Variants in PTPRD observed in about 807,000 individuals in gnomAD.
PTPRD encodes protein tyrosine phosphatase receptor type D, also known as receptor-type tyrosine-protein phosphatase delta.
PTPRD carries 34 observed loss-of-function variants against 214.5 expected under a neutral mutation model. That is an observed-to-expected ratio of 0.16 (90% CI 0.12 to 0.21). PTPRD has a LOEUF of 0.21. Among genes scored for constraint, PTPRD ranks in the 10% least tolerant of loss-of-function variants. PTPRD has a pLI of 1.00. For synonymous variants in PTPRD, 1,128 were observed against 845.7 expected, an observed-to-expected ratio of 1.33 and a Z score of -5.79; for missense variants, 2,545 against 2,398.7, an observed-to-expected ratio of 1.06 and a Z score of -1.27.
At chr9:8,932,892 C>A (rs151020332) in intron 11 of PTPRD, among the ~76,000 whole-genome samples, 56 of 152,220 alleles carry the variant, frequency 3.7e-4, no homozygotes, top group African/African-American at 1.3e-3. Context: ...TTCTGTCTTG[C>A]TGGTGTTCCA....
intron 2 of PTPRD, among the ~76,000 whole-genome samples, chr9:10,410,557 T>TAA (rs2098423811): frequency 6.6e-6 from 1 of 151,444 alleles, no homozygotes; most frequent in African/African-American, 2.4e-5. Context: ...ACACACATAA[T>TAA]AAAAATTATA....
chr9:9,056,770 T>G, intron 10 of PTPRD, among the ~76,000 whole-genome samples: 1 of 152,256 alleles, frequency 6.6e-6, no homozygotes, highest in East Asian at 1.9e-4. Flanking sequence ...GCTGCATTTC[T>G]TTCTTCACTA....
intron 3 of PTPRD, among the ~76,000 whole-genome samples, chr9:10,240,091 C>T (rs181004610): frequency 2.3e-4 from 35 of 152,056 alleles, no homozygotes; most frequent in Admixed American, 2.2e-3. Flanking sequence ...TTGTCCCACC[C>T]AATCTATTAG....
At chr9:9,998,242 G>T (rs1022014528) in intron 4 of PTPRD, among the ~76,000 whole-genome samples, 3 of 150,824 alleles carry the variant, frequency 2.0e-5, no homozygotes, top group African/African-American at 7.3e-5. Flanking sequence ...AACTGCCCTC[G>T]GAGGTGGAGG....
intron 11 of PTPRD, among the ~76,000 whole-genome samples, chr9:8,895,486 T>C (rs1197485970): frequency 1.3e-5 from 2 of 152,190 alleles, no homozygotes; most frequent in African/African-American, 4.8e-5. Flanking sequence ...ATCTTTTAGA[T>C]AATAGAACTT....
Position 10,206,955 on chromosome 9 carries a change from GAAC to G in PTPRD, c.-545+134005_-545+134007del, listed in dbSNP as rs536971721. Reference sequence around the variant, plus strand: ...TCAGATTTGCATATTGTTCAGTTATGAACAACATTATAAAAATTCATTTTGTAA... The same window carrying G: ...TCAGATTTGCATATTGTTCAGTTATGAACATTATAAAAATTCATTTTGTAA... On this transcript the variant is annotated intron_variant, in intron 3 of 45. Coordinates refer to ENST00000381196, the MANE Select transcript of PTPRD (RefSeq NM_002839.4). Among the ~76,000 whole-genome samples the G allele has an allele frequency of 1.1e-4, 16 of 152,180 alleles. No individual in the cohort carries two copies. In the South Asian group the frequency reaches 2.1e-3, roughly 20 times the overall value.
At chr9:10,031,647 T>TATATACACACACACACACACAC in intron 4 of PTPRD, among the ~76,000 whole-genome samples, 1 of 89,682 alleles carries the variant, frequency 1.1e-5, no homozygotes, top group African/African-American at 8.1e-5. Context: ...TATATATATA[T>TATATACACACACACACACACAC]ACACACACAC....
intron 2 of PTPRD, among the ~76,000 whole-genome samples, chr9:10,461,510 A>G (rs904094612): frequency 2.0e-5 from 3 of 152,224 alleles, no homozygotes; most frequent in South Asian, 2.1e-4. Flanking sequence ...CCTTTTGCAA[A>G]GGAGATCCTG....
chr9:10,453,262 G>A (rs2098861558), intron 2 of PTPRD, among the ~76,000 whole-genome samples: 1 of 151,368 alleles, frequency 6.6e-6, no homozygotes, highest in South Asian at 2.1e-4. Context: ...GATGTCTCCA[G>A]CTATTTGTTC....
At chr9:10,574,102 A>C (rs1044436904) in intron 2 of PTPRD, among the ~76,000 whole-genome samples, 1 of 152,180 alleles carries the variant, frequency 6.6e-6, no homozygotes, top group Non-Finnish European at 1.5e-5. Context: ...ATTGAAACAA[A>C]TGAGGGACAC....
intron 14 of PTPRD, among the ~76,000 whole-genome samples, chr9:8,604,229 A>T (rs1236882247): frequency 6.6e-6 from 1 of 152,208 alleles, no homozygotes; most frequent in African/African-American, 2.4e-5. Flanking sequence ...CAATGCTTTA[A>T]GGTATAGTCG....
chr9:9,640,293 C>T (rs573711430), intron 7 of PTPRD, among the ~76,000 whole-genome samples: 9 of 152,196 alleles, frequency 5.9e-5, no homozygotes, highest in East Asian at 1.9e-4. Context: ...GCACTCTTTC[C>T]GAGGAACAGT....
At chr9:8,865,380 C>G (rs1002617966) in intron 11 of PTPRD, among the ~76,000 whole-genome samples, 1 of 152,060 alleles carries the variant, frequency 6.6e-6, no homozygotes, top group Non-Finnish European at 1.5e-5. Flanking sequence ...TGTCATAGGG[C>G]TTTAAGCACA....
intron 4 of PTPRD, among the ~76,000 whole-genome samples, chr9:9,947,246 G>C (rs1349673638): frequency 4.0e-5 from 5 of 124,418 alleles, no homozygotes; most frequent in South Asian, 2.3e-4. Flanking sequence ...GTACATTTTA[G>C]ATATCCAAAT....
chr9:10,396,053 TC>T (rs2098164354), intron 2 of PTPRD, among the ~76,000 whole-genome samples: 1 of 151,664 alleles, frequency 6.6e-6, no homozygotes, highest in South Asian at 2.1e-4. Context: ...TTTAGAACGT[TC>T]CAGTTTTCAG....
chr9:10,117,571 T>C (rs1451638367), intron 3 of PTPRD, among the ~76,000 whole-genome samples: 1 of 151,376 alleles, frequency 6.6e-6, no homozygotes. Context: ...TCTACCTCCT[T>C]CTTCACTTGG....
rs530205066 is a variant in PTPRD, at chr9:9,733,282, G to A, written c.-287+1251C>T. On this transcript the variant is annotated intron_variant, in intron 7 of 45. Transcript: ENST00000381196. ...GGGATGCAGACCCCAGTGGTTCATG[G>A]TGCACTGATGATGGAGAGAGACAAA... is the stretch of plus-strand genomic sequence containing the variant. Among the ~76,000 whole-genome samples, 122 of 152,274 alleles carry A rather than the reference G, an allele frequency of 8.0e-4. 1 individual carries two copies. Among genetic ancestry groups the A allele is most frequent in the Admixed American group, 3.7e-3 (56 of 15,296 alleles).
intron 12 of PTPRD, among the ~76,000 whole-genome samples, chr9:8,718,621 A>G (rs1402699621): frequency 6.6e-6 from 1 of 152,174 alleles, no homozygotes; most frequent in Non-Finnish European, 1.5e-5. Flanking sequence ...TTAAGCCAAG[A>G]GTTTTGTTTA....
At chr9:10,181,083 G>T (rs1037308412) in intron 3 of PTPRD, among the ~76,000 whole-genome samples, 9 of 152,118 alleles carry the variant, frequency 5.9e-5, no homozygotes, top group Non-Finnish European at 1.3e-4. Context: ...AAAAACAAAT[G>T]CATCATATAG....
Sources: gnomAD v4.1 joint callset for allele counts (sites outside exome capture counted in the v4.1 genomes callset) on GRCh38, gnomAD v4.1.1 for gene constraint, MANE v1.5 for transcripts, NCBI Gene and HGNC (gene_info 2026-07-23, HGNC 2026-07-21) for gene names.